Variants in MAP4K4 observed in about 807,000 individuals in gnomAD.
The protein encoded by MAP4K4 is HPK/GCK-like kinase HGK.
A neutral mutation model predicts 189.6 loss-of-function variants in MAP4K4; 38 were observed. The observed-to-expected ratio is 0.20, with a 90% CI of 0.15 to 0.26. The LOEUF (loss-of-function observed/expected upper bound fraction) is 0.26, where lower values mean the gene tolerates loss of function less well. Among genes scored for constraint, MAP4K4 ranks in the 10% least tolerant of loss-of-function variants. The pLI is 1.00. For missense variants in MAP4K4, 1,054 were observed against 1,726.9 expected, an observed-to-expected ratio of 0.61 and a Z score of 6.91; for synonymous variants, 610 against 624.3, an observed-to-expected ratio of 0.98 and a Z score of 0.34.
Position 101,790,794 on chromosome 2 carries a change from AC to A in MAP4K4, c.180+19del, listed in dbSNP as rs748823564. The A allele has an allele frequency of 5.7e-6, 9 of 1,586,892 alleles. No individual in the cohort carries two copies. Among genetic ancestry groups the A allele is most frequent in the African/African-American group, 1.3e-5 (1 of 74,444 alleles). On this transcript the variant is annotated intron_variant, in intron 3 of 32. Coordinates refer to ENST00000324219, the Ensembl canonical transcript of MAP4K4. ...TCACTGAGGTAAGATTGAGTCACAC[AC>A]ATTTTTAAATAATGTTAGATGGAAG...
At chr2:101,833,587 T>C (rs1446439802) in intron 7 of MAP4K4, among the ~76,000 whole-genome samples, 1 of 148,036 alleles carries the variant, frequency 6.8e-6, no homozygotes. Flanking sequence ...GCCACTGCAT[T>C]CCAGCCTGGG....
At position 101,754,795 on chromosome 2, in the gene MAP4K4, A is replaced by G. The variant is rs542533738; in HGVS notation, c.124-35925A>G. Among the ~76,000 whole-genome samples, 20 of 152,320 alleles carry G rather than the reference A, an allele frequency of 1.3e-4. No individual in the cohort carries two copies. The South Asian group carries it at 4.1e-3, about 32-fold the overall frequency. ...CAACTCCTCAGTCCTCAGCAGCTCC[A>G]TGTTGGAGCGAGAAAGGCTTTTTTT... is the stretch of plus-strand genomic sequence containing the variant. On this transcript the variant is annotated intron_variant, in intron 2 of 32. Transcript: ENST00000324219.
exon 16 of MAP4K4, chr2:101,860,960 G>T: frequency 6.2e-7 from 1 of 1,601,818 alleles, no homozygotes; most frequent in Non-Finnish European, 8.5e-7. Context: ...TGTGCATCCC[G>T]CCCTGCAGAG....
chr2:101,712,355 C>T (rs13395711), intron 2 of MAP4K4, among the ~76,000 whole-genome samples: 14,841 of 151,392 alleles, frequency 0.098, 1,195 homozygotes, highest in African/African-American at 0.22. Flanking sequence ...CCACCATGCC[C>T]GGCGAATTTT....
intron 3 of MAP4K4, among the ~76,000 whole-genome samples, chr2:101,813,965 C>G (rs956551460): frequency 6.6e-6 from 1 of 152,076 alleles, no homozygotes; most frequent in African/African-American, 2.4e-5. Context: ...TGATATCTTT[C>G]TAAGAAGTAG....
exon 17 of MAP4K4, chr2:101,863,992 G>C: frequency 2.2e-6 from 3 of 1,367,692 alleles, no homozygotes; most frequent in Non-Finnish European, 2.0e-6. Flanking sequence ...TAAGTCAGAG[G>C]CGCCTGACCC....
chr2:101,811,905 T>C (rs1161504988), intron 3 of MAP4K4, among the ~76,000 whole-genome samples: 1 of 152,160 alleles, frequency 6.6e-6, no homozygotes, highest in African/African-American at 2.4e-5. Flanking sequence ...TCCTTTGTGC[T>C]TGTGAATTTG....
chr2:101,836,007 T>C, intron 9 of MAP4K4, 29 bp downstream of exon 9: 1 of 1,517,802 alleles, frequency 6.6e-7, no homozygotes, highest in Non-Finnish European at 9.1e-7. Flanking sequence ...TTTGTTGTTC[T>C]TTTCCCTTTT....
chr2:101,836,936 G>T (rs1157529948), intron 9 of MAP4K4, among the ~76,000 whole-genome samples: 1 of 151,884 alleles, frequency 6.6e-6, no homozygotes, highest in Non-Finnish European at 1.5e-5. Flanking sequence ...CAGTGTTTCT[G>T]GTTCTCCTGA....
intron 2 of MAP4K4, among the ~76,000 whole-genome samples, chr2:101,758,596 C>T (rs987380313): frequency 3.9e-5 from 6 of 152,062 alleles, no homozygotes; most frequent in African/African-American, 7.2e-5. Context: ...CAGAGTCTAC[C>T]GAGGGAGGAC....
chr2:101,727,426 C>T (rs2056086505), intron 2 of MAP4K4, among the ~76,000 whole-genome samples: 1 of 152,088 alleles, frequency 6.6e-6, no homozygotes, highest in Admixed American at 6.5e-5. Context: ...TATAAAGAAC[C>T]TTGTATAGTC....
At position 101,850,631 on chromosome 2, in the gene MAP4K4, T is replaced by C. The variant is rs138203396; in HGVS notation, c.1234-5346T>C. On this transcript the variant is annotated intron_variant, in intron 12 of 32. Transcript: ENST00000324219. The stretch of plus-strand genomic sequence containing the variant: ...GTTCCAGCTTTAATACACACAGTAA[T>C]CATAGTGTCCTGGCATGCCAGTGCC... Among the ~76,000 whole-genome samples the C allele has an allele frequency of 9.1e-3, 1,387 of 152,334 alleles. 28 individuals are homozygous for C. Among genetic ancestry groups the C allele is most frequent in the African/African-American group, 0.032 (1,319 of 41,578 alleles).
intron 2 of MAP4K4, among the ~76,000 whole-genome samples, chr2:101,719,895 C>G (rs1414492701): frequency 6.6e-6 from 1 of 151,838 alleles, no homozygotes; most frequent in African/African-American, 2.4e-5. Context: ...GCCTGTAGTC[C>G]CAGCTACTTG....
chr2:101,877,201 G>A (rs2098228007), intron 27 of MAP4K4, 55 bp downstream of exon 27: 2 of 1,574,046 alleles, frequency 1.3e-6, no homozygotes, highest in Non-Finnish European at 1.7e-6. Context: ...CAATATTGTA[G>A]CTTTACACAC....
intron 3 of MAP4K4, among the ~76,000 whole-genome samples, chr2:101,818,273 G>A (rs2095839733): frequency 6.6e-6 from 1 of 152,144 alleles, no homozygotes; most frequent in Admixed American, 6.5e-5. Flanking sequence ...ATATTCATTT[G>A]TACATTTTGG....
At chr2:101,735,240 G>C (rs180843426) in intron 2 of MAP4K4, among the ~76,000 whole-genome samples, 2 of 152,226 alleles carry the variant, frequency 1.3e-5, no homozygotes, top group Non-Finnish European at 2.9e-5. Context: ...GGGCAGAAAG[G>C]GGGTGTAGAA....
At chr2:101,809,811 A>G (rs1314373970) in intron 3 of MAP4K4, among the ~76,000 whole-genome samples, 2 of 152,240 alleles carry the variant, frequency 1.3e-5, no homozygotes, top group Admixed American at 1.3e-4. Flanking sequence ...GTTGATGGAC[A>G]CAGCTGTGCA....
intron 2 of MAP4K4, among the ~76,000 whole-genome samples, chr2:101,721,677 C>T (rs747575990): frequency 2.2e-4 from 34 of 152,174 alleles, no homozygotes; most frequent in Admixed American, 6.5e-4. Flanking sequence ...CCTCGTGATC[C>T]GCCCACCTCG....
intron 3 of MAP4K4, among the ~76,000 whole-genome samples, chr2:101,818,718 G>A (rs1428724867): frequency 6.6e-6 from 1 of 152,132 alleles, no homozygotes; most frequent in Non-Finnish European, 1.5e-5. Context: ...CTATGCAGAT[G>A]TTCTCCACCC....
Sources: allele counts gnomAD v4.1 joint callset (sites outside exome capture counted in the v4.1 genomes callset), GRCh38; gene constraint gnomAD v4.1.1; transcripts MANE v1.5; gene names NCBI Gene and HGNC (gene_info 2026-07-23, HGNC 2026-07-21).